Variants in NXPH1 observed in about 807,000 individuals in gnomAD.
NXPH1 encodes neurexophilin 1, also known as neurexophilin-1.
A neutral mutation model predicts 23.7 loss-of-function variants in NXPH1; 5 were observed. The observed-to-expected ratio is 0.21, with a 90% CI of 0.11 to 0.44. The LOEUF (loss-of-function observed/expected upper bound fraction) is 0.44, where lower values mean the gene tolerates loss of function less well. Ranked by LOEUF, NXPH1 falls within the 20% of genes least tolerant of loss-of-function variation. The pLI, the probability that NXPH1 is intolerant of heterozygous loss-of-function variation, is 0.99. For missense variants in NXPH1, 324 were observed against 321.6 expected (o/e 1.01, Z -0.06); for synonymous variants, 144 against 122.2 (o/e 1.18, Z -1.18).
intron 2 of NXPH1, among the ~76,000 whole-genome samples, chr7:8,689,614 T>C (rs1172661003): frequency 6.6e-6 from 1 of 152,166 alleles, no homozygotes; most frequent in Non-Finnish European, 1.5e-5. Context: ...AACCATAGCC[T>C]GGTAGGGCAT....
chr7:8,657,958 G>A (rs1316181644), intron 2 of NXPH1, among the ~76,000 whole-genome samples: 1 of 152,162 alleles, frequency 6.6e-6, no homozygotes, highest in Non-Finnish European at 1.5e-5. Flanking sequence ...AACTCGGGAG[G>A]CGGAAGTTGC....
intron 2 of NXPH1, among the ~76,000 whole-genome samples, chr7:8,436,468 C>A (rs1371300588): frequency 6.6e-6 from 1 of 152,180 alleles, no homozygotes; most frequent in African/African-American, 2.4e-5. Context: ...AACAAAGCCG[C>A]GGTCCTTGTC....
At chr7:8,594,294 T>C (rs528164290) in intron 2 of NXPH1, among the ~76,000 whole-genome samples, 154 of 152,134 alleles carry the variant, frequency 1.0e-3, no homozygotes, top group Admixed American at 1.7e-3. Context: ...TTACCTTGGG[T>C]AGAAACATGA....
At chr7:8,686,865 G>T (rs1821153114) in intron 2 of NXPH1, among the ~76,000 whole-genome samples, 1 of 152,048 alleles carries the variant, frequency 6.6e-6, no homozygotes, top group South Asian at 2.1e-4. Flanking sequence ...TATGGCCAAG[G>T]ATGCTGCATT....
chr7:8,450,075 C>A (rs1222480752), intron 2 of NXPH1, among the ~76,000 whole-genome samples: 5 of 152,150 alleles, frequency 3.3e-5, no homozygotes, highest in Admixed American at 2.0e-4. Flanking sequence ...AAAGTACAAC[C>A]CTCAGTCATC....
chr7:8,475,070 G>C (rs1338353584), intron 2 of NXPH1, among the ~76,000 whole-genome samples: 1 of 152,078 alleles, frequency 6.6e-6, no homozygotes, highest in Non-Finnish European at 1.5e-5. Context: ...TCTGACTGGG[G>C]GGTGGGAAGA....
At chr7:8,676,575 T>A (rs558002303) in intron 2 of NXPH1, among the ~76,000 whole-genome samples, 195 of 152,328 alleles carry the variant, frequency 1.3e-3, no homozygotes, top group African/African-American at 4.5e-3. Flanking sequence ...AAATGTTGAA[T>A]AAACACATTT....
chr7:8,670,580 C>A (rs998429413), intron 2 of NXPH1, among the ~76,000 whole-genome samples: 16 of 152,194 alleles, frequency 1.1e-4, no homozygotes, highest in Non-Finnish European at 2.2e-4. Flanking sequence ...CATTTAATCT[C>A]AATGAAATTC....
chr7:8,601,997 A>G (rs1329900282), intron 2 of NXPH1, among the ~76,000 whole-genome samples: 1 of 152,164 alleles, frequency 6.6e-6, no homozygotes, highest in Non-Finnish European at 1.5e-5. Flanking sequence ...TTTGCCTCCA[A>G]TCTCTTATAT....
At chr7:8,614,655 G>A (rs1321883544) in intron 2 of NXPH1, among the ~76,000 whole-genome samples, 2 of 151,892 alleles carry the variant, frequency 1.3e-5, no homozygotes, top group Non-Finnish European at 2.9e-5. Context: ...AAAAAGGAAA[G>A]TTCCTCTTTG....
chr7:8,647,320 G>C (rs1455603186), intron 2 of NXPH1, among the ~76,000 whole-genome samples: 1 of 152,156 alleles, frequency 6.6e-6, no homozygotes, highest in African/African-American at 2.4e-5. Context: ...AAGTCAGCTA[G>C]AAGAGAAAAC....
intron 2 of NXPH1, among the ~76,000 whole-genome samples, chr7:8,445,824 A>G (rs923273671): frequency 6.6e-6 from 1 of 152,242 alleles, no homozygotes; most frequent in Non-Finnish European, 1.5e-5. Flanking sequence ...CTTGGTAGGA[A>G]TCTGATACCT....
At chr7:8,683,241 A>T (rs1214293680) in intron 2 of NXPH1, among the ~76,000 whole-genome samples, 1 of 152,222 alleles carries the variant, frequency 6.6e-6, no homozygotes, top group Non-Finnish European at 1.5e-5. Flanking sequence ...TAGAGCAAGA[A>T]CTCACTATTG....
rs118084454 is a variant in NXPH1 at position 8,751,352 on chromosome 7, G to A, written c.399G>A (p.Leu133=). Reference sequence around the variant, plus strand: ...ATTCCAACATCAAAACAGTGAAGCTGAACCTGTTGATAACTGGGAAAATTG... The same window carrying A: ...ATTCCAACATCAAAACAGTGAAGCTAAACCTGTTGATAACTGGGAAAATTG... ...DFHSNIKTVK[L]NLLITGKIVD... The change falls in exon 3 of 3, where the codon CTG becomes CTA. Residue 133 remains leucine, a synonymous_variant. Coordinates refer to ENST00000405863, the MANE Select transcript of NXPH1 (RefSeq NM_152745.3). This position sits in a 1 kb window ranked among gnomAD's most constrained non-coding sequence, Gnocchi z 4.5. The A allele has an allele frequency of 8.5e-3, 13,762 of 1,613,904 alleles. 75 individuals carry two copies. The highest frequency in any genetic ancestry group is 0.011 in the Non-Finnish European group (12,442 of 1,179,846).
In NXPH1 at chr7:8,517,211, A is replaced by C. The variant is rs889690078; in HGVS notation, c.54+81444A>C. On this transcript the variant is annotated intron_variant, in intron 2 of 2. Coordinates refer to ENST00000405863, the MANE Select transcript of NXPH1 (RefSeq NM_152745.3). Reference sequence around the variant, plus strand: ...CAGTGGCGGGTGACTAGGCTGTTACAGGGGAAGGACAGGGTGTTGCGGGGC... The same window carrying C: ...CAGTGGCGGGTGACTAGGCTGTTACCGGGGAAGGACAGGGTGTTGCGGGGC... Among the ~76,000 whole-genome samples the C allele has an allele frequency of 3.3e-5, 5 of 152,238 alleles. No individual in the cohort carries two copies. The East Asian group carries it at 7.7e-4, about 24-fold the overall frequency.
chr7:8,440,497 T>G (rs1816279464), intron 2 of NXPH1, among the ~76,000 whole-genome samples: 1 of 152,232 alleles, frequency 6.6e-6, no homozygotes. Flanking sequence ...CGGCTATTTC[T>G]TCCTTAATGA....
chr7:8,442,256 C>G lies in NXPH1; in HGVS notation c.54+6489C>G, dbSNP rs190273282. 3.7e-4 allele frequency among the ~76,000 whole-genome samples: 57 copies of G among 152,312 alleles called. 1 individual carries two copies. In the East Asian group the frequency reaches 7.7e-3, roughly 21 times the overall value. On this transcript the variant is annotated intron_variant, in intron 2 of 2. Transcript: ENST00000405863. This position sits in a 1 kb window ranked among gnomAD's most constrained non-coding sequence, Gnocchi z 4.6. ...CCTCATCTGCATGAGAATGGAGAACCGGGAGGCTTTTCTTGTACTGTTTCT... is the reference window on the plus strand; with the variant it reads ...CCTCATCTGCATGAGAATGGAGAACGGGGAGGCTTTTCTTGTACTGTTTCT...
chr7:8,474,504 ACTC>A (rs1312720280), intron 2 of NXPH1, among the ~76,000 whole-genome samples: 3 of 151,864 alleles, frequency 2.0e-5, no homozygotes, highest in Non-Finnish European at 4.4e-5. Context: ...CTTTGTCTCT[ACTC>A]CTTACTCTCT....
At chr7:8,717,734 C>T (rs1030494735) in intron 2 of NXPH1, among the ~76,000 whole-genome samples, 1 of 152,024 alleles carries the variant, frequency 6.6e-6, no homozygotes, top group Non-Finnish European at 1.5e-5. Flanking sequence ...ATTTTTCTAC[C>T]ACCTGTGAAT....
Sources: allele counts gnomAD v4.1 joint callset (sites outside exome capture counted in the v4.1 genomes callset), GRCh38; gene constraint gnomAD v4.1.1; non-coding constraint Gnocchi (gnomAD v3.1); transcripts MANE v1.5; gene names NCBI Gene and HGNC (gene_info 2026-07-23, HGNC 2026-07-21).